Variants in HLTF observed in about 807,000 individuals in gnomAD.
The protein encoded by HLTF is DNA-dependent ATPase/E3 ubiquitin-protein ligase HLTF.
A neutral mutation model predicts 129.4 loss-of-function variants in HLTF; 127 were observed. The observed-to-expected ratio is 0.98, with a 90% CI of 0.85 to 1.14. The LOEUF (loss-of-function observed/expected upper bound fraction) is 1.14, where lower values mean the gene tolerates loss of function less well. HLTF is among the 50% of genes most tolerant of loss of function. HLTF has a pLI of 0.00. For missense variants in HLTF, 1,139 were observed against 1,187.1 expected (o/e 0.96, Z 0.60); for synonymous variants, 332 against 388.8 (o/e 0.85, Z 1.72).
chr3:149,057,107 C>CAAAA (rs56809507), intron 13 of HLTF, among the ~76,000 whole-genome samples: 1 of 27,744 alleles, frequency 3.6e-5, no homozygotes, highest in African/African-American at 1.3e-4. Context: ...GACTCCGTCT[C>CAAAA]AAAAAAAAAA....
In HLTF at chr3:149,084,721, C is replaced by A. The variant is rs762506034; in HGVS notation, c.189G>T (p.Leu63Phe). ...AGCGTAGTCCAACCACATGACCTCT[C>A]AAACTTCCAAATAAAACGGAATCTA... ...EEVDSVLFGSLRGHVVGLRYY... is the reference protein window; with the variant it reads ...EEVDSVLFGSFRGHVVGLRYY... Residue 63 changes from leucine to phenylalanine, a missense_variant, in exon 2 of 25, where the codon TTG becomes TTT. Transcript: ENST00000310053. The A allele has an allele frequency of 1.9e-6, 3 of 1,614,086 alleles. No individual in the cohort carries two copies. In the East Asian group the frequency reaches 6.7e-5, roughly 36 times the overall value.
intron 13 of HLTF, among the ~76,000 whole-genome samples, chr3:149,056,388 C>G (rs1350933100): frequency 1.3e-5 from 2 of 152,136 alleles, no homozygotes; most frequent in Admixed American, 6.5e-5. Flanking sequence ...GTATCCCTTA[C>G]CAATGGAGTA....
chr3:149,079,372 CTAAAAAAAAAA>C (rs1559884136), intron 2 of HLTF, among the ~76,000 whole-genome samples: 3 of 9,062 alleles, frequency 3.3e-4, no homozygotes, highest in African/African-American at 1.2e-3. Flanking sequence ...ACGACAGTTT[CTAAAAAAAAAA>C]AAAAAAAAAA....
intron 15 of HLTF, 141 bp downstream of exon 15, chr3:149,050,091 C>A (rs958637023): frequency 6.4e-5 from 26 of 407,202 alleles, no homozygotes; most frequent in East Asian, 3.5e-4. Flanking sequence ...AAAAAAAAAA[C>A]CATTTATTTT....
At chr3:149,061,222 A>G (rs1375153291) in intron 10 of HLTF, among the ~76,000 whole-genome samples, 1 of 151,928 alleles carries the variant, frequency 6.6e-6, no homozygotes, top group Admixed American at 6.6e-5. Flanking sequence ...GGTGCGTGCC[A>G]CTACACCCAG....
chr3:149,086,241 G>C (rs988195326), intron 1 of HLTF, 76 bp downstream of exon 1: 5 of 1,443,310 alleles, frequency 3.5e-6, no homozygotes, highest in Non-Finnish European at 4.8e-6. Context: ...GCAGAGGAAC[G>C]CGGGGAAGGT....
chr3:149,079,373 T>TAAAAAAAAAAAA (rs71135659), intron 2 of HLTF, among the ~76,000 whole-genome samples: 21 of 57,232 alleles, frequency 3.7e-4, no homozygotes, highest in Non-Finnish European at 5.4e-4. Flanking sequence ...CGACAGTTTC[T>TAAAAAAAAAAAA]AAAAAAAAAA....
chr3:149,063,808 T>C (rs754388752), intron 9 of HLTF, among the ~76,000 whole-genome samples: 80 of 152,160 alleles, frequency 5.3e-4, no homozygotes, highest in Non-Finnish European at 9.0e-4. Flanking sequence ...CTAAGAGCTA[T>C]TGGAAAAAAA....
At chr3:149,049,063 T>C in intron 15 of HLTF, 62 bp from the exon 16 acceptor site, 1 of 1,124,046 alleles carries the variant, frequency 8.9e-7, no homozygotes, top group East Asian at 2.5e-5. Flanking sequence ...CTTAATATGA[T>C]TTGCTAACTA....
chr3:149,079,373 T>TAAAAAAAAAA (rs71135659), intron 2 of HLTF, among the ~76,000 whole-genome samples: 42 of 57,238 alleles, frequency 7.3e-4, no homozygotes, highest in South Asian at 2.1e-3. Flanking sequence ...CGACAGTTTC[T>TAAAAAAAAAA]AAAAAAAAAA....
chr3:149,035,962 C>A (rs1201463409), intron 23 of HLTF, among the ~76,000 whole-genome samples: 1 of 151,568 alleles, frequency 6.6e-6, no homozygotes, highest in African/African-American at 2.4e-5. Context: ...GGTGAAACCC[C>A]ATCTCTACTA....
chr3:149,039,583 A>T lies in HLTF; in HGVS notation c.2613T>A (p.Leu871=). ...TTFLSLIEIP[L]KASGFVFTRL... ...GTGAAAAACACTGTGGAACTTACTT[A>T]AGTGGTATTTCTATTAAAGACAGGA... The change falls in exon 22 of 25, where the codon CTT becomes CTA. Residue 871 remains leucine (L), a splice_region_variant and synonymous_variant. Transcript: ENST00000310053. 1.4e-6 allele frequency: 2 copies of T among 1,389,256 alleles called. No homozygotes were observed. The highest frequency in any genetic ancestry group is 2.0e-6 in the Non-Finnish European group (2 of 989,186). The allele number at this position is 1,389,256 out of a possible 1,614,324, so 86.1% of individuals were successfully genotyped here.
At chr3:149,053,816 C>CT (rs1717192860) in intron 14 of HLTF, among the ~76,000 whole-genome samples, 1 of 152,156 alleles carries the variant, frequency 6.6e-6, no homozygotes, top group Non-Finnish European at 1.5e-5. Context: ...CCCAAGCCCT[C>CT]AAATAATCAG....
chr3:149,078,199 A>G (rs1462921666), intron 2 of HLTF, among the ~76,000 whole-genome samples: 1 of 152,206 alleles, frequency 6.6e-6, no homozygotes, highest in Non-Finnish European at 1.5e-5. Flanking sequence ...TGTCCCCAAG[A>G]AAGTATAGAT....
Position 149,044,768 on chromosome 3 carries a change from G to C in HLTF, c.2072+1312C>G, listed in dbSNP as rs1348054267. On this transcript the variant is annotated intron_variant, in intron 18 of 24. Transcript: ENST00000310053. ...GGTAAAAAGGCTTGAAGTTATCTTT[G>C]ATTCCTCTTTCACATGCCATAACAT... 9.2e-5 allele frequency among the ~76,000 whole-genome samples: 14 copies of C among 152,186 alleles called. No individual in the cohort carries two copies. In the South Asian group the frequency reaches 1.0e-3, roughly 11 times the overall value.
chr3:149,066,847 G>A (rs957052856), intron 8 of HLTF, among the ~76,000 whole-genome samples: 1 of 152,108 alleles, frequency 6.6e-6, no homozygotes, highest in Non-Finnish European at 1.5e-5. Context: ...TTGAACCTGA[G>A]ACTTCAACAG....
At position 149,034,977 on chromosome 3, in the gene HLTF, C is replaced by A. The variant is rs1187782477; in HGVS notation, c.2818G>T (p.Asp940Tyr). ...CTATGGCATCTGTCAAAGCACTGAT[C>A]TTCAGCAGCAGGATTCCAGGCCTAA... ...MDPAWNPAAE[D>Y]QCFDRCHRLG... Residue 940 changes from aspartate (D) to tyrosine (Y), a missense_variant, in exon 24 of 25, where the codon GAT becomes TAT. Coordinates refer to ENST00000310053, the MANE Select transcript of HLTF (RefSeq NM_003071.4). 1.2e-6 allele frequency: 2 copies of A among 1,613,660 alleles called. No individual in the cohort carries two copies. The highest frequency in any genetic ancestry group is 1.7e-5 in the Admixed American group (1 of 60,014).
chr3:149,079,373 T>TAAAAAAAAAAAAA (rs71135659), intron 2 of HLTF, among the ~76,000 whole-genome samples: 12 of 57,234 alleles, frequency 2.1e-4, no homozygotes, highest in Admixed American at 2.9e-4. Flanking sequence ...CGACAGTTTC[T>TAAAAAAAAAAAAA]AAAAAAAAAA....
At chr3:149,072,098 C>CTA (rs534927059) in intron 5 of HLTF, among the ~76,000 whole-genome samples, 147 of 152,208 alleles carry the variant, frequency 9.7e-4, no homozygotes, top group African/African-American at 3.3e-3. Flanking sequence ...AAACCACAAA[C>CTA]TAGTCAAACG....
Sources: allele counts gnomAD v4.1 joint callset (sites outside exome capture counted in the v4.1 genomes callset), GRCh38; gene constraint gnomAD v4.1.1; transcripts MANE v1.5; gene names NCBI Gene and HGNC (gene_info 2026-07-23, HGNC 2026-07-21).